URB1: variants seen among roughly 807,000 people sequenced by gnomAD.
URB1 encodes the protein URB1 ribosome biogenesis factor, also known as nucleolar pre-ribosomal-associated protein 1.
A neutral mutation model predicts 242.3 loss-of-function variants in URB1; 197 were observed. The observed-to-expected ratio is 0.81, with a 90% CI of 0.72 to 0.91. The LOEUF (loss-of-function observed/expected upper bound fraction) is 0.91. URB1 is among the 40% of genes least tolerant of loss of function. The probability of loss-of-function intolerance (pLI) is 0.00; values close to 1 mark genes in which losing one functional copy is unlikely to be tolerated. For synonymous variants in URB1, 1,153 were observed against 1,201.8 expected, an observed-to-expected ratio of 0.96 and a Z score of 0.84; for missense variants, 2,721 against 2,860.5, an observed-to-expected ratio of 0.95 and a Z score of 1.11.
In URB1 at chr21:32,338,761, G is replaced by C. The variant is rs1460110472; in HGVS notation, c.4456C>G (p.Leu1486Val). Residue 1486 changes from leucine (L) to valine (V), a missense_variant, in exon 26 of 39, where the codon CTG becomes GTG. Physicochemically the swap from Leu to Val is conservative, Grantham distance 32 (BLOSUM62 1). Transcript: ENST00000382751. ...YVMLMQHSLFLPTLLTSDGEE... is the reference protein window; with the variant it reads ...YVMLMQHSLFVPTLLTSDGEE... Reference sequence around the variant, plus strand: ...CCGTCAGACGTCAGTAGAGTCGGCAGAAACAGCGAGTGCTGCATGAGCATC... The same window carrying C: ...CCGTCAGACGTCAGTAGAGTCGGCACAAACAGCGAGTGCTGCATGAGCATC... The C allele has an allele frequency of 1.9e-6, 3 of 1,551,590 alleles. No homozygotes were observed. The highest frequency in any genetic ancestry group is 2.6e-6 in the Non-Finnish European group (3 of 1,147,008).
In URB1 at chr21:32,316,811, C is replaced by T. The variant is rs563626021; in HGVS notation, c.6289G>A (p.Ala2097Thr). The change falls in exon 38 of 39, where the codon GCT (alanine) becomes ACT (threonine). Residue 2097 changes from alanine to threonine, a missense_variant. By Grantham distance (58) the Ala-to-Thr change is moderately conservative (BLOSUM62 0). Coordinates refer to ENST00000382751, the MANE Select transcript of URB1 (RefSeq NM_014825.3). ...AGCACCCAACTGACTGCCAGGGAAG[C>T]GGCAGCATATACGGGGCCTGGCGCA... ...SDAPGPVYAA[A>T]SLAVSWVLRS... is the part of the protein sequence containing the mutation. The T allele has an allele frequency of 1.1e-5, 17 of 1,546,822 alleles. No homozygotes were observed. Among genetic ancestry groups the T allele is most frequent in the African/African-American group, 1.4e-5 (1 of 73,086 alleles).
intron 6 of URB1, among the ~76,000 whole-genome samples, chr21:32,374,035 A>G (rs2033433512): frequency 6.6e-6 from 1 of 152,166 alleles, no homozygotes; most frequent in Non-Finnish European, 1.5e-5. Context: ...GTATGTATTC[A>G]TTATTTTTTG....
At chr21:32,368,668 C>G in intron 8 of URB1, 70 bp from the exon 9 acceptor site, 1 of 1,319,952 alleles carries the variant, frequency 7.6e-7, no homozygotes, top group Middle Eastern at 1.9e-4. Flanking sequence ...CTCATGGTGA[C>G]GTGCAGCTCT....
At chr21:32,377,423 A>C (rs1253666226) in intron 5 of URB1, 1 of 424,014 alleles carries the variant, frequency 2.4e-6, no homozygotes, top group Non-Finnish European at 4.5e-6. Flanking sequence ...AATGGTACCA[A>C]CTGTCACTGA....
intron 25 of URB1, 66 bp downstream of exon 25, chr21:32,341,400 G>C (rs2033027442): frequency 6.8e-7 from 1 of 1,461,624 alleles, no homozygotes; most frequent in Non-Finnish European, 9.4e-7. Context: ...CTATAAAAGA[G>C]GCTTTGCATG....
chr21:32,315,156 G>A (rs2032662608), intron 38 of URB1, 57 bp from the exon 39 acceptor site: 2 of 1,431,820 alleles, frequency 1.4e-6, no homozygotes, highest in African/African-American at 1.4e-5. Flanking sequence ...CTCGAAAACA[G>A]GTCATCCTGC....
chr21:32,321,983 G>C, intron 33 of URB1, 39 bp from the exon 34 acceptor site: 2 of 1,543,596 alleles, frequency 1.3e-6, no homozygotes, highest in Non-Finnish European at 1.8e-6. Flanking sequence ...GTTAATAAGT[G>C]AAAGTCCTTT....
At chr21:32,350,986 A>G (rs1424621073) in intron 19 of URB1, 64 bp from the exon 20 acceptor site, 3 of 1,467,864 alleles carry the variant, frequency 2.0e-6, no homozygotes, top group Admixed American at 4.0e-5. Flanking sequence ...AAACGGTCAT[A>G]GGCACAGGTA....
chr21:32,381,530 G>C (rs2033527148), intron 4 of URB1, among the ~76,000 whole-genome samples: 1 of 151,274 alleles, frequency 6.6e-6, no homozygotes, highest in African/African-American at 2.4e-5. Flanking sequence ...ACGCAAAAGG[G>C]ATCAAAGATA....
At chr21:32,361,233 T>G in intron 12 of URB1, 110 bp from the exon 13 acceptor site, 1 of 697,444 alleles carries the variant, frequency 1.4e-6, no homozygotes, top group Non-Finnish European at 2.1e-6. Context: ...AACATACTGG[T>G]TCTTTGTCCT....
Position 32,352,703 on chromosome 21 carries a change from A to C in URB1, c.2613+7T>G. ...CAGCAGTGACCACAGCTGTGGCTGC[A>C]GCTCACCCAGGCCTCTCGGGCTTGC... is the stretch of plus-strand genomic sequence containing the variant. On this transcript the variant is annotated splice_region_variant and intron_variant, in intron 19 of 38. Coordinates refer to ENST00000382751, the MANE Select transcript of URB1 (RefSeq NM_014825.3). 6.4e-7 allele frequency: 1 copy of C among 1,550,718 alleles called. No individual in the cohort carries two copies. Among genetic ancestry groups the C allele is most frequent in the Non-Finnish European group, 8.7e-7 (1 of 1,146,848 alleles).
At chr21:32,352,993 G>T in intron 18 of URB1, 87 bp from the exon 19 acceptor site, 1 of 1,380,478 alleles carries the variant, frequency 7.2e-7, no homozygotes, top group Non-Finnish European at 9.6e-7. Context: ...CCACATACAG[G>T]CAAGACCCTG....
In URB1 at chr21:32,344,556, GAA is replaced by G. The variant is rs1275692988; in HGVS notation, c.4257+12_4257+13del. 6.4e-6 allele frequency: 10 copies of G among 1,550,844 alleles called. No homozygotes were observed. The African/African-American group carries it at 1.2e-4, about 19-fold the overall frequency. On this transcript the variant is annotated intron_variant, in intron 24 of 38. Transcript: ENST00000382751. ...ACAGAAATTTAATCTGGATCTCTAA[GAA>G]AAGACACTTACCAACAACGCATTTA... is the stretch of plus-strand genomic sequence containing the variant.
At chr21:32,330,955 G>A (rs1162284614) in intron 30 of URB1, among the ~76,000 whole-genome samples, 1 of 152,190 alleles carries the variant, frequency 6.6e-6, no homozygotes, top group Admixed American at 6.5e-5. Context: ...TAGCCTCTTT[G>A]ATCTTTTTAA....
intron 4 of URB1, among the ~76,000 whole-genome samples, chr21:32,380,576 G>C (rs1324042170): frequency 6.6e-6 from 1 of 152,192 alleles, no homozygotes; most frequent in East Asian, 1.9e-4. Context: ...CTCAGGCCAA[G>C]AGAGGGTGCA....
chr21:32,346,111 G>A (rs1266670038), intron 22 of URB1, among the ~76,000 whole-genome samples: 1 of 152,132 alleles, frequency 6.6e-6, no homozygotes, highest in Non-Finnish European at 1.5e-5. Context: ...CAGAGTGCCA[G>A]GTGTTAAAAA....
At position 32,316,729 on chromosome 21, in the gene URB1, C is replaced by T; in HGVS notation, c.6371G>A (p.Trp2124Ter). The change falls in exon 38 of 39, where the codon TGG (tryptophan) becomes TAG (stop). Residue 2124 changes from tryptophan to a stop codon, truncating the protein, a stop_gained. Coordinates refer to ENST00000382751, the MANE Select transcript of URB1 (RefSeq NM_014825.3). LOFTEE classifies it high-confidence loss of function. ...SRAEAAGLIG[W>*]LKSHILPHPV... The stretch of plus-strand genomic sequence containing the variant: ...GTGTGGCAAAATATGGCTCTTAAGC[C>T]AGCCAATGAGTCCTGCAGCCTCTGC... 2 of 1,551,356 alleles carry T rather than the reference C, an allele frequency of 1.3e-6. No individual in the cohort carries two copies. Among genetic ancestry groups the T allele is most frequent in the Non-Finnish European group, 1.7e-6 (2 of 1,146,910 alleles).
At chr21:32,328,027 T>C (rs1418980451) in intron 30 of URB1, among the ~76,000 whole-genome samples, 2 of 152,224 alleles carry the variant, frequency 1.3e-5, no homozygotes, top group African/African-American at 4.8e-5. Flanking sequence ...ACATGCTGCC[T>C]TCAAGAAACC....
intron 38 of URB1, among the ~76,000 whole-genome samples, chr21:32,316,018 T>C (rs777946826): frequency 1.3e-5 from 2 of 152,264 alleles, no homozygotes; most frequent in African/African-American, 4.8e-5. Context: ...AAACTGTTCA[T>C]GTGCGCATTT....
Sources: gnomAD v4.1 joint callset for allele counts (sites outside exome capture counted in the v4.1 genomes callset) on GRCh38, gnomAD v4.1.1 for gene constraint, MANE v1.5 for transcripts, NCBI Gene and HGNC (gene_info 2026-07-23, HGNC 2026-07-21) for gene names.